DIAPH2: variants seen among roughly 807,000 people sequenced by gnomAD.
DIAPH2 encodes protein diaphanous homolog 2.
Under a neutral mutation model 92.7 loss-of-function variants are expected in DIAPH2, and 35 were observed. That is an observed-to-expected ratio of 0.38 (90% CI 0.29 to 0.50). The LOEUF (loss-of-function observed/expected upper bound fraction) is 0.50, where lower values mean the gene tolerates loss of function less well. Among genes scored for constraint, DIAPH2 ranks in the 20% least tolerant of loss-of-function variants. The pLI is 0.94. For missense variants in DIAPH2, 701 were observed against 819.5 expected (o/e 0.86, Z 1.77); for synonymous variants, 301 against 280.4 (o/e 1.07, Z -0.73).
chrX:96,740,501 C>A (rs1463613686), intron 3 of DIAPH2, among the ~76,000 whole-genome samples: 1 of 112,344 alleles, frequency 8.9e-6, no homozygotes, highest in Non-Finnish European at 1.9e-5. Flanking sequence ...TGAAATAGTT[C>A]TCCGAGTTCA....
At chrX:97,298,592 A>G (rs1340558996) in intron 23 of DIAPH2, among the ~76,000 whole-genome samples, 23 of 104,617 alleles carry the variant, frequency 2.2e-4, no homozygotes, top group African/African-American at 7.8e-4. Context: ...CACATTTACC[A>G]TTAAGGGACT....
intron 4 of DIAPH2, among the ~76,000 whole-genome samples, chrX:96,846,042 C>CA (rs2064968999): frequency 9.0e-6 from 1 of 111,105 alleles, no homozygotes; most frequent in African/African-American, 3.3e-5. Flanking sequence ...TCAGGTGATC[C>CA]ACCCGTCTCG....
intron 21 of DIAPH2, among the ~76,000 whole-genome samples, chrX:97,124,048 A>G (rs1239855709): frequency 8.9e-6 from 1 of 112,400 alleles, no homozygotes; most frequent in Non-Finnish European, 1.9e-5. Context: ...CTAGATTTAT[A>G]TTAATGTGGA....
chrX:96,948,546 C>T (rs1477093423), intron 14 of DIAPH2, among the ~76,000 whole-genome samples: 2 of 111,921 alleles, frequency 1.8e-5, no homozygotes, highest in Non-Finnish European at 3.8e-5. Context: ...GCACTCCAGC[C>T]TGGGTGACAC....
intron 4 of DIAPH2, among the ~76,000 whole-genome samples, chrX:96,794,472 G>T (rs900649025): frequency 9.4e-6 from 1 of 106,918 alleles, no homozygotes. Flanking sequence ...TTTCAACTCC[G>T]CTAGGAACAT....
At chrX:97,044,808 A>T (rs750230472) in intron 17 of DIAPH2, among the ~76,000 whole-genome samples, 2 of 110,664 alleles carry the variant, frequency 1.8e-5, no homozygotes, top group Non-Finnish European at 3.8e-5. Context: ...CCCTTGAAAA[A>T]TTTCTCTATT....
intron 23 of DIAPH2, among the ~76,000 whole-genome samples, chrX:97,327,455 G>A (rs2068961410): frequency 9.6e-6 from 1 of 104,047 alleles, no homozygotes; most frequent in South Asian, 4.3e-4. Context: ...TTTTGTTTGA[G>A]ACAGTCTCGC....
chrX:97,162,918 T>C (rs780765652), intron 22 of DIAPH2, among the ~76,000 whole-genome samples: 5 of 111,439 alleles, frequency 4.5e-5, no homozygotes, highest in Admixed American at 9.6e-5. Flanking sequence ...AAAATATTGT[T>C]GTTCTGATAT....
chrX:96,736,743 T>C (rs2064090673), intron 2 of DIAPH2, among the ~76,000 whole-genome samples: 1 of 112,279 alleles, frequency 8.9e-6, no homozygotes, highest in Non-Finnish European at 1.9e-5. Flanking sequence ...AATCAAAAGC[T>C]AATTTTCTAG....
rs1371897155 is a variant in DIAPH2, at chrX:97,340,875, A to C, written c.2845-7241A>C. On this transcript the variant is annotated intron_variant, in intron 23 of 26. Coordinates refer to ENST00000324765, the MANE Select transcript of DIAPH2 (RefSeq NM_006729.5). ...TTCACCACATCCAGGTTGGTCTCGA[A>C]CTCCTGACCTTAAGTGATCCACCTG... 3.7e-5 allele frequency among the ~76,000 whole-genome samples: 4 copies of C among 108,653 alleles called. No individual in the cohort carries two copies. In the East Asian group the frequency reaches 1.2e-3, roughly 31 times the overall value. The allele number at this position is 108,653 out of a possible 115,157, so 94.4% of individuals were successfully genotyped here.
intron 17 of DIAPH2, among the ~76,000 whole-genome samples, chrX:97,032,665 G>A (rs1277592271): frequency 9.0e-6 from 1 of 110,655 alleles, no homozygotes; most frequent in East Asian, 2.8e-4. Context: ...GCTTAAAAAA[G>A]CACTCAAGTC....
At chrX:97,588,996 AATATATATATATATAT>A (rs199558439) in intron 26 of DIAPH2, among the ~76,000 whole-genome samples, 477 of 31,705 alleles carry the variant, frequency 0.015, 19 homozygotes, top group Non-Finnish European at 0.023. Flanking sequence ...ATATTATAGA[AATATATATATATATAT>A]ATATATATAT....
intron 17 of DIAPH2, among the ~76,000 whole-genome samples, chrX:96,977,174 T>C (rs1183422457): frequency 8.9e-6 from 1 of 112,154 alleles, no homozygotes; most frequent in African/African-American, 3.2e-5. Context: ...TTGTATTATC[T>C]TGTGAAATAT....
At chrX:97,194,984 A>G (rs1199144934) in intron 22 of DIAPH2, among the ~76,000 whole-genome samples, 2 of 111,926 alleles carry the variant, frequency 1.8e-5, no homozygotes, top group East Asian at 5.6e-4. Flanking sequence ...AAATTTTGTA[A>G]TGATTAAAAA....
At position 96,879,546 on chromosome X, in the gene DIAPH2, GT is replaced by G. The variant is rs199793224; in HGVS notation, c.448-2032del. 6.3e-3 allele frequency among the ~76,000 whole-genome samples: 708 copies of G among 111,683 alleles called. 5 individuals are homozygous for G. Among genetic ancestry groups the G allele is most frequent in the African/African-American group, 0.022 (687 of 30,761 alleles). On this transcript the variant is annotated intron_variant, in intron 4 of 26. Transcript: ENST00000324765. The stretch of plus-strand genomic sequence containing the variant: ...GATGAACTTTGTGTTGTTGTAGAAA[GT>G]GAGTTGGCCGAGCAAAAATAAAACT...
intron 24 of DIAPH2, 81 bp downstream of exon 24, chrX:97,348,361 C>A: frequency 1.2e-6 from 1 of 845,611 alleles, no homozygotes; most frequent in Non-Finnish European, 1.6e-6. Flanking sequence ...TTTTATGTTC[C>A]TATTGACTAT....
At chrX:96,972,076 T>C (rs2065931336) in intron 17 of DIAPH2, among the ~76,000 whole-genome samples, 1 of 111,557 alleles carries the variant, frequency 9.0e-6, no homozygotes, top group African/African-American at 3.3e-5. Flanking sequence ...GGGCACCTTT[T>C]TCCCCCGGTT....
intron 22 of DIAPH2, among the ~76,000 whole-genome samples, chrX:97,227,168 G>A (rs373234784): frequency 1.8e-5 from 2 of 110,700 alleles, no homozygotes; most frequent in African/African-American, 6.6e-5. Context: ...CCAGCTACTC[G>A]GGAGGCTGAG....
At chrX:97,153,133 A>G (rs929317409) in intron 22 of DIAPH2, among the ~76,000 whole-genome samples, 1 of 111,879 alleles carries the variant, frequency 8.9e-6, no homozygotes, top group Non-Finnish European at 1.9e-5. Context: ...TAGGCTACTT[A>G]TCCCTCAAGG....
Sources: gnomAD v4.1 joint callset for allele counts (sites outside exome capture counted in the v4.1 genomes callset) on GRCh38, gnomAD v4.1.1 for gene constraint, MANE v1.5 for transcripts, NCBI Gene and HGNC (gene_info 2026-07-23, HGNC 2026-07-21) for gene names.